The following TBCK variants were observed in gnomAD, a reference collection of about 807,000 sequenced individuals.
TBCK encodes the protein TBC1 domain containing kinase.
A neutral mutation model predicts 113.4 loss-of-function variants in TBCK; 99 were observed. The ratio of observed to expected loss-of-function variants is 0.87; its 90% CI spans 0.74 to 1.03. The LOEUF (loss-of-function observed/expected upper bound fraction) is 1.03, where lower values mean the gene tolerates loss of function less well. Ranked by LOEUF, TBCK falls within the 50% of genes least tolerant of loss-of-function variation. The probability of loss-of-function intolerance (pLI) is 0.00; values close to 1 mark genes in which losing one functional copy is unlikely to be tolerated. For missense variants in TBCK, 1,045 were observed against 1,061.3 expected (o/e 0.98, Z 0.21); for synonymous variants, 369 against 370.8 (o/e 1.00, Z 0.05).
intron 22 of TBCK, among the ~76,000 whole-genome samples, chr4:106,180,158 C>CT (rs770337585): frequency 4.8e-4 from 72 of 150,370 alleles, no homozygotes; most frequent in African/African-American, 7.8e-4. Context: ...ATAGTTGTGT[C>CT]TTTTTTTTTA....
At chr4:106,120,184 C>A (rs779529538) in intron 23 of TBCK, among the ~76,000 whole-genome samples, 13 of 152,124 alleles carry the variant, frequency 8.5e-5, no homozygotes, top group African/African-American at 2.9e-4. Flanking sequence ...GTTCCCTTTC[C>A]GAGTCAAAGA....
Position 106,103,962 on chromosome 4 carries a change from C to T in TBCK, c.2412-8321G>A, listed in dbSNP as rs563615849. ...GTGAATGAACGGCCCCAGAAAAACACACTTCTCTCACAGGTCTTTGCAACC... is the reference window on the plus strand; with the variant it reads ...GTGAATGAACGGCCCCAGAAAAACATACTTCTCTCACAGGTCTTTGCAACC... On this transcript the variant is annotated intron_variant, in intron 24 of 25. Transcript: ENST00000394708. Among the ~76,000 whole-genome samples, 5 of 152,320 alleles carry T rather than the reference C, an allele frequency of 3.3e-5. No individual in the cohort carries two copies. The South Asian group carries it at 1.0e-3, about 32-fold the overall frequency.
intron 22 of TBCK, among the ~76,000 whole-genome samples, chr4:106,183,943 A>G (rs1752708535): frequency 1.3e-5 from 2 of 152,028 alleles, no homozygotes; most frequent in Non-Finnish European, 2.9e-5. Flanking sequence ...ATCACAAAAA[A>G]TCCCTTTATG....
chr4:106,098,722 C>T (rs763811037), intron 24 of TBCK, among the ~76,000 whole-genome samples: 10 of 152,054 alleles, frequency 6.6e-5, no homozygotes, highest in Non-Finnish European at 1.3e-4. Flanking sequence ...ATGCTGAATG[C>T]ACTACAGGAT....
intron 2 of TBCK, among the ~76,000 whole-genome samples, chr4:106,298,823 A>C (rs1413310883): frequency 6.6e-6 from 1 of 152,220 alleles, no homozygotes; most frequent in Non-Finnish European, 1.5e-5. Flanking sequence ...AGAAGTGTCT[A>C]GTTAAGATGG....
intron 23 of TBCK, among the ~76,000 whole-genome samples, chr4:106,150,468 T>C (rs926937894): frequency 1.3e-5 from 2 of 152,118 alleles, no homozygotes; most frequent in African/African-American, 2.4e-5. Flanking sequence ...TTAGTAGATA[T>C]GATGTGTGCA....
At chr4:106,242,689 G>A (rs1760297202) in intron 11 of TBCK, 120 bp from the exon 12 acceptor site, 1 of 553,532 alleles carries the variant, frequency 1.8e-6, no homozygotes, top group African/African-American at 1.9e-5. Context: ...ACTTTAGACT[G>A]GATGTTTAAT....
chr4:106,279,774 T>C (rs952502269), intron 3 of TBCK, among the ~76,000 whole-genome samples: 4 of 152,112 alleles, frequency 2.6e-5, no homozygotes, highest in Non-Finnish European at 5.9e-5. Flanking sequence ...AATTCTTTCT[T>C]ATGGCTGAAT....
At chr4:106,183,558 C>T (rs894954549) in intron 22 of TBCK, among the ~76,000 whole-genome samples, 54 of 151,968 alleles carry the variant, frequency 3.6e-4, no homozygotes, top group Non-Finnish European at 1.5e-4. Flanking sequence ...TTTTTATGGC[C>T]CCAGTGCATA....
intron 24 of TBCK, among the ~76,000 whole-genome samples, chr4:106,109,524 A>T (rs1331206819): frequency 6.6e-6 from 1 of 152,178 alleles, no homozygotes; most frequent in African/African-American, 2.4e-5. Flanking sequence ...AAGAAATGGG[A>T]AAAAGACTCC....
intron 23 of TBCK, among the ~76,000 whole-genome samples, chr4:106,122,655 C>T (rs1744584327): frequency 1.3e-5 from 2 of 152,180 alleles, no homozygotes; most frequent in African/African-American, 2.4e-5. Context: ...AATCCAGCAG[C>T]ACATCAAAAA....
chr4:106,109,921 G>C (rs749753281), intron 24 of TBCK, among the ~76,000 whole-genome samples: 2 of 152,116 alleles, frequency 1.3e-5, no homozygotes, highest in Non-Finnish European at 2.9e-5. Context: ...TAAAAGCTTT[G>C]GAAAAGCATT....
At chr4:106,208,110 A>G (rs1456229496) in intron 20 of TBCK, among the ~76,000 whole-genome samples, 3 of 152,176 alleles carry the variant, frequency 2.0e-5, no homozygotes, top group African/African-American at 7.2e-5. Flanking sequence ...ATTACTTCCC[A>G]TCCCATATGA....
At chr4:106,237,313 G>C (rs1296164056) in intron 12 of TBCK, among the ~76,000 whole-genome samples, 2 of 152,054 alleles carry the variant, frequency 1.3e-5, no homozygotes, top group Non-Finnish European at 2.9e-5. Flanking sequence ...GATTCAAATA[G>C]CTAATAAATC....
At chr4:106,170,960 C>G in intron 23 of TBCK, 135 bp downstream of exon 23, 1 of 640,566 alleles carries the variant, frequency 1.6e-6, no homozygotes, top group East Asian at 3.2e-5. Flanking sequence ...TTCTATGAAT[C>G]AAATCATGTG....
intron 23 of TBCK, among the ~76,000 whole-genome samples, chr4:106,153,318 C>T (rs1748735112): frequency 6.6e-6 from 1 of 152,022 alleles, no homozygotes; most frequent in Non-Finnish European, 1.5e-5. Flanking sequence ...CATTGACCTA[C>T]TAGTCATTGA....
At chr4:106,071,856 CTTAA>C (rs1490406072) in intron 25 of TBCK, among the ~76,000 whole-genome samples, 7 of 152,124 alleles carry the variant, frequency 4.6e-5, no homozygotes, top group African/African-American at 1.2e-4. Flanking sequence ...ATGTAATGGC[CTTAA>C]TTGTCTCTTT....
rs576954343 is a variant in TBCK, at chr4:106,299,114, G to A, written c.194-3948C>T. ...TGCATCACAGTAGTACATCACAGGA[G>A]CCTAGTGCACACAGGTGTACTGCAT... is the stretch of plus-strand genomic sequence containing the variant. On this transcript the variant is annotated intron_variant, in intron 2 of 25. Coordinates refer to ENST00000394708, the MANE Select transcript of TBCK (RefSeq NM_001163435.3). 2.6e-4 allele frequency among the ~76,000 whole-genome samples: 39 copies of A among 152,308 alleles called. No individual in the cohort carries two copies. The South Asian group carries it at 7.9e-3, about 31-fold the overall frequency.
At chr4:106,241,606 G>C (rs1232698250) in intron 12 of TBCK, among the ~76,000 whole-genome samples, 2 of 151,764 alleles carry the variant, frequency 1.3e-5, no homozygotes, top group African/African-American at 4.8e-5. Context: ...GAAAAAGTTG[G>C]TATTATAGAT....
Sources: allele counts gnomAD v4.1 joint callset (sites outside exome capture counted in the v4.1 genomes callset), GRCh38; gene constraint gnomAD v4.1.1; transcripts MANE v1.5; gene names NCBI Gene and HGNC (gene_info 2026-07-23, HGNC 2026-07-21).